BCAS3: variants seen among roughly 807,000 people sequenced by gnomAD.
BCAS3 encodes the protein BCAS4/BCAS3 fusion.
A neutral mutation model predicts 116.1 loss-of-function variants in BCAS3; 53 were observed. That is an observed-to-expected ratio of 0.46 (90% CI 0.37 to 0.57). BCAS3 has a LOEUF of 0.57. Among genes scored for constraint, BCAS3 ranks in the 20% least tolerant of loss-of-function variants. The pLI is 0.00. For synonymous variants in BCAS3, 391 were observed against 408.2 expected (o/e 0.96, Z 0.51); for missense variants, 917 against 1,165.4 (o/e 0.79, Z 3.10).
At chr17:60,821,159 A>G (rs2049928633) in intron 7 of BCAS3, among the ~76,000 whole-genome samples, 2 of 151,982 alleles carry the variant, frequency 1.3e-5, no homozygotes, top group South Asian at 2.1e-4. Flanking sequence ...GTTGGCCAGG[A>G]TGGTCTTGAA....
chr17:61,036,943 C>T (rs571653165), intron 17 of BCAS3, among the ~76,000 whole-genome samples: 1 of 152,088 alleles, frequency 6.6e-6, no homozygotes. Flanking sequence ...AGGTTCACAG[C>T]CAAATGAGCA....
At chr17:60,872,962 A>G (rs748084974) in intron 8 of BCAS3, among the ~76,000 whole-genome samples, 16 of 152,110 alleles carry the variant, frequency 1.1e-4, no homozygotes, top group South Asian at 2.1e-4. Context: ...GTAGAGGAAT[A>G]GTACAGACAT....
chr17:60,904,308 G>A (rs1409299900), intron 11 of BCAS3, among the ~76,000 whole-genome samples: 1 of 152,094 alleles, frequency 6.6e-6, no homozygotes, highest in East Asian at 1.9e-4. Context: ...GGAGGCTGAG[G>A]CAGGAGAATT....
Position 61,387,694 on chromosome 17 carries a change from G to T in BCAS3, c.2594-4283G>T, listed in dbSNP as rs887325931. 6.6e-6 allele frequency among the ~76,000 whole-genome samples: 1 copy of T among 152,318 alleles called. No individual in the cohort carries two copies. Among genetic ancestry groups the T allele is most frequent in the East Asian group, 1.9e-4 (1 of 5,184 alleles). ...AACAGGGAATGGCTCTCCAGCATGG[G>T]CATGGGGGCCGGTCTTAGTGATGCC... On this transcript the variant is annotated intron_variant, in intron 23 of 23. Transcript: ENST00000407086. The surrounding 1 kb of genome is among the most constrained non-coding windows in gnomAD (Gnocchi z 6.2).
At position 61,027,543 on chromosome 17, in the gene BCAS3, TAGAC is replaced by T. The variant is rs145143441; in HGVS notation, c.1638-7120_1638-7117del. On this transcript the variant is annotated intron_variant, in intron 16 of 23. Transcript: ENST00000407086. ...GCACAGAATACAGCTTTGTCAGTCT[TAGAC>T]AGGAAGGTCATAGAAAAGAATTCGA... The T allele has an allele frequency of 4.9e-3, 1,426 of 288,164 alleles. 26 individuals carry two copies. The East Asian group carries it at 0.072, about 15-fold the overall frequency. 17.9% of individuals were successfully genotyped at this position (288,164 alleles called of 1,614,324 possible). A position where few individuals can be genotyped will look rare whatever the true frequency, so the allele number is the denominator to read the frequency against.
At chr17:60,996,308 G>T (rs761643699) in intron 15 of BCAS3, among the ~76,000 whole-genome samples, 1 of 152,166 alleles carries the variant, frequency 6.6e-6, no homozygotes, top group African/African-American at 2.4e-5. Flanking sequence ...AAAAAATCAG[G>T]CAAGAAAAGA....
At chr17:60,834,736 TTGTG>T (rs978614505) in intron 7 of BCAS3, among the ~76,000 whole-genome samples, 19 of 152,044 alleles carry the variant, frequency 1.2e-4, no homozygotes, top group African/African-American at 4.3e-4. Context: ...TTAGCTATGG[TTGTG>T]TGTATCTGTT....
intron 12 of BCAS3, among the ~76,000 whole-genome samples, chr17:60,920,345 G>T (rs927649184): frequency 2.6e-5 from 4 of 152,204 alleles, no homozygotes; most frequent in African/African-American, 7.2e-5. Context: ...GTTTGCAAAT[G>T]GTTTATCTGA....
chr17:61,351,491 G>C (rs147510164), intron 22 of BCAS3, among the ~76,000 whole-genome samples: 34 of 152,258 alleles, frequency 2.2e-4, no homozygotes, highest in African/African-American at 6.3e-4. Flanking sequence ...TTGAATCTTA[G>C]CACGATTTTG....
chr17:61,321,713 C>A (rs901286434), intron 22 of BCAS3, among the ~76,000 whole-genome samples: 5 of 152,130 alleles, frequency 3.3e-5, no homozygotes, highest in Admixed American at 3.3e-4. Context: ...GGCGAGCCAG[C>A]AAATCGTTCT....
rs2079390636 is a variant in BCAS3 at position 61,180,039 on chromosome 17, C to T, written c.2425+95475C>T. ...AAAATATATCTGCAAGCTGTAGCGA[C>T]CTGGGACTTTTTGTTAGAGACACAT... On this transcript the variant is annotated intron_variant, in intron 22 of 23. Coordinates refer to ENST00000407086, the MANE Select transcript of BCAS3 (RefSeq NM_017679.5). This position sits in a 1 kb window ranked among gnomAD's most constrained non-coding sequence, Gnocchi z 6.0. Among the ~76,000 whole-genome samples the T allele has an allele frequency of 6.6e-6, 1 of 151,988 alleles. No homozygotes were observed.
intron 7 of BCAS3, among the ~76,000 whole-genome samples, chr17:60,820,580 T>C (rs984717635): frequency 1.3e-5 from 2 of 152,220 alleles, no homozygotes; most frequent in African/African-American, 4.8e-5. Flanking sequence ...TGAAAATGTA[T>C]GCAACATTGT....
intron 19 of BCAS3, among the ~76,000 whole-genome samples, chr17:61,043,894 C>T (rs944184897): frequency 6.6e-6 from 1 of 152,044 alleles, no homozygotes; most frequent in African/African-American, 2.4e-5. Context: ...TGGTTATTAT[C>T]TGTTTTTTAA....
chr17:60,971,970 G>T (rs1412477466), intron 14 of BCAS3, among the ~76,000 whole-genome samples: 1 of 152,174 alleles, frequency 6.6e-6, no homozygotes, highest in Non-Finnish European at 1.5e-5. Flanking sequence ...AGGTGGCGAT[G>T]TTGTACTGAG....
intron 13 of BCAS3, among the ~76,000 whole-genome samples, chr17:60,937,878 T>C (rs2060016744): frequency 6.6e-6 from 1 of 152,252 alleles, no homozygotes; most frequent in Non-Finnish European, 1.5e-5. Context: ...TCTGTAATTT[T>C]TCCTTGAGGC....
chr17:61,314,027 G>T (rs777066493), intron 22 of BCAS3, among the ~76,000 whole-genome samples: 6 of 152,168 alleles, frequency 3.9e-5, no homozygotes, highest in Non-Finnish European at 8.8e-5. Context: ...AATTTATCTT[G>T]CTTGGCATCT....
At chr17:60,933,890 T>G (rs1386879858) in intron 13 of BCAS3, among the ~76,000 whole-genome samples, 1 of 152,224 alleles carries the variant, frequency 6.6e-6, no homozygotes, top group Non-Finnish European at 1.5e-5. Flanking sequence ...AGGTTTGTAC[T>G]TACTCTCTTG....
At chr17:61,064,981 C>T (rs2070461748) in intron 19 of BCAS3, among the ~76,000 whole-genome samples, 1 of 152,114 alleles carries the variant, frequency 6.6e-6, no homozygotes, top group Admixed American at 6.5e-5. Context: ...TTAGTGAATT[C>T]CTCTACATTT....
rs866705081 is a variant in BCAS3 at position 61,373,475 on chromosome 17, A to G, written c.2593+4981A>G. Among the ~76,000 whole-genome samples, 83 of 136,276 alleles carry G rather than the reference A, an allele frequency of 6.1e-4. 1 individual carries two copies. The highest frequency in any genetic ancestry group is 2.1e-3 in the African/African-American group (75 of 35,938). 89.4% of individuals were successfully genotyped at this position (136,276 alleles called of 152,430 possible). Reference sequence around the variant, plus strand: ...CATTTTTTTTTTCTCTGTCACCCAGACTGGAGTGCTGTGGCACGATCTCGG... The same window carrying G: ...CATTTTTTTTTTCTCTGTCACCCAGGCTGGAGTGCTGTGGCACGATCTCGG... On this transcript the variant is annotated intron_variant, in intron 23 of 23. Coordinates refer to ENST00000407086, the MANE Select transcript of BCAS3 (RefSeq NM_017679.5).
Sources: gnomAD v4.1 joint callset for allele counts (sites outside exome capture counted in the v4.1 genomes callset) on GRCh38, gnomAD v4.1.1 for gene constraint, Gnocchi (gnomAD v3.1) non-coding constraint, MANE v1.5 for transcripts, NCBI Gene and HGNC (gene_info 2026-07-23, HGNC 2026-07-21) for gene names.